LRRK2: variants seen among roughly 807,000 people sequenced by gnomAD.
LRRK2 encodes the protein leucine-rich repeat serine/threonine-protein kinase 2.
Under a neutral mutation model 302.6 loss-of-function variants are expected in LRRK2, and 203 were observed. The observed-to-expected ratio is 0.67, with a 90% CI of 0.60 to 0.75. The LOEUF is 0.75. Ranked by LOEUF, LRRK2 falls within the 30% of genes least tolerant of loss-of-function variation. The pLI, the probability that LRRK2 is intolerant of heterozygous loss-of-function variation, is 0.00. For missense variants in LRRK2, 2,830 were observed against 2,951.0 expected, an observed-to-expected ratio of 0.96 and a Z score of 0.95; for synonymous variants, 1,066 against 1,031.9, an observed-to-expected ratio of 1.03 and a Z score of -0.63.
chr12:40,282,623 G>A (rs1280845812), intron 18 of LRRK2, among the ~76,000 whole-genome samples: 1 of 152,174 alleles, frequency 6.6e-6, no homozygotes, highest in Non-Finnish European at 1.5e-5. Context: ...ATGTCCTGGA[G>A]CAGCAGCGTT....
At chr12:40,273,532 G>A (rs1943322758) in intron 14 of LRRK2, among the ~76,000 whole-genome samples, 1 of 152,158 alleles carries the variant, frequency 6.6e-6, no homozygotes, top group Non-Finnish European at 1.5e-5. Flanking sequence ...TCTGTTCACT[G>A]AGAGTACAGA....
chr12:40,315,422 A>C, intron 33 of LRRK2, 122 bp downstream of exon 33: 1 of 794,294 alleles, frequency 1.3e-6, no homozygotes, highest in South Asian at 1.4e-5. Flanking sequence ...GTGAATTTGG[A>C]AAACTGTGGA....
intron 23 of LRRK2, 41 bp downstream of exon 23, chr12:40,295,685 G>T: frequency 6.4e-7 from 1 of 1,566,694 alleles, no homozygotes; most frequent in South Asian, 1.1e-5. Flanking sequence ...GACATTTGAA[G>T]AGCTTTTGTA....
At chr12:40,229,646 G>A (rs1941073443) in intron 2 of LRRK2, among the ~76,000 whole-genome samples, 1 of 152,284 alleles carries the variant, frequency 6.6e-6, no homozygotes, top group Non-Finnish European at 1.5e-5. Flanking sequence ...TTACATGCTT[G>A]AGTTTTTAGA....
chr12:40,278,032 C>G lies in LRRK2; in HGVS notation c.2070+16C>G, dbSNP rs1943534262. 1.2e-6 allele frequency: 2 copies of G among 1,613,662 alleles called. No individual in the cohort carries two copies. Among genetic ancestry groups the G allele is most frequent in the Non-Finnish European group, 1.7e-6 (2 of 1,179,974 alleles). ...GGATCAACAGGTACAGTGTTTTTCA[C>G]TTGCATCCTAAATGTTATGTATTTA... On this transcript the variant is annotated intron_variant, in intron 17 of 50. Coordinates refer to ENST00000298910, the MANE Select transcript of LRRK2 (RefSeq NM_198578.4).
At chr12:40,320,806 C>T (rs554922212) in intron 34 of LRRK2, among the ~76,000 whole-genome samples, 61 of 152,004 alleles carry the variant, frequency 4.0e-4, no homozygotes, top group African/African-American at 1.3e-3. Flanking sequence ...TATTAGTGCA[C>T]AGGGATTACC....
intron 26 of LRRK2, 137 bp from the exon 27 acceptor site, chr12:40,303,811 C>T: frequency 1.2e-6 from 1 of 806,836 alleles, no homozygotes. Flanking sequence ...TCTCAAATCA[C>T]ATGCATACTC....
chr12:40,226,991 C>G (rs755935718), intron 2 of LRRK2, among the ~76,000 whole-genome samples: 6 of 152,080 alleles, frequency 3.9e-5, no homozygotes, highest in Non-Finnish European at 5.9e-5. Context: ...CTAGATAAGG[C>G]AGTGCTATAC....
chr12:40,328,518 C>A, intron 39 of LRRK2, 58 bp downstream of exon 39: 1 of 1,314,110 alleles, frequency 7.6e-7, no homozygotes, highest in Non-Finnish European at 1.1e-6. Context: ...TACTGGAACT[C>A]TTATTTTGCA....
At chr12:40,227,861 A>T (rs533791258) in intron 2 of LRRK2, 2 of 152,062 alleles carry the variant, frequency 1.3e-5, no homozygotes, top group South Asian at 2.1e-4. Context: ...ATGCTCAGCT[A>T]ATTTTTTTTT....
intron 18 of LRRK2, among the ~76,000 whole-genome samples, chr12:40,281,574 A>C (rs1198749322): frequency 6.6e-6 from 1 of 152,238 alleles, no homozygotes; most frequent in Non-Finnish European, 1.5e-5. Flanking sequence ...ATCTGTGAGC[A>C]GTAGTATTTT....
intron 41 of LRRK2, among the ~76,000 whole-genome samples, chr12:40,345,622 CAAAAAAAAAAAAAA>C (rs144415226): frequency 1.5e-5 from 1 of 67,528 alleles, no homozygotes; most frequent in Non-Finnish European, 2.6e-5. Context: ...GACTCCATCT[CAAAAAAAAAAAAAA>C]AAAAAAAAAG....
chr12:40,226,779 A>G (rs1011041358), intron 2 of LRRK2, among the ~76,000 whole-genome samples: 1 of 152,178 alleles, frequency 6.6e-6, no homozygotes, highest in Non-Finnish European at 1.5e-5. Flanking sequence ...CCTGTGGAAT[A>G]TGAGTCACTT....
At chr12:40,228,468 T>G (rs1941016731) in intron 2 of LRRK2, among the ~76,000 whole-genome samples, 1 of 150,700 alleles carries the variant, frequency 6.6e-6, no homozygotes, top group Non-Finnish European at 1.5e-5. Context: ...TAATTGAGTT[T>G]TTTTAGTTCC....
Position 40,298,481 on chromosome 12 carries a change from T to C in LRRK2, c.3335T>C (p.Leu1112Pro), listed in dbSNP as rs758901246. 6.2e-7 allele frequency: 1 copy of C among 1,613,768 alleles called. No individual in the cohort carries two copies. Among genetic ancestry groups the C allele is most frequent in the African/African-American group, 1.3e-5 (1 of 74,860 alleles). ...LTDVVEKLEQ[L>P]ILEGNKISGI... is the part of the protein sequence containing the mutation. ...GATGTGGTAGAGAAACTGGAGCAGC[T>C]CATTTTAGAAGGGTAAGAAAGAGCT... Residue 1112 changes from leucine to proline, a missense_variant, in exon 24 of 51, where the codon CTC (leucine) becomes CCC (proline). By Grantham distance (98) the Leu-to-Pro change is moderately conservative (BLOSUM62 -3). Coordinates refer to ENST00000298910, the MANE Select transcript of LRRK2 (RefSeq NM_198578.4).
chr12:40,327,676 AAG>A (rs1314620897), intron 38 of LRRK2, among the ~76,000 whole-genome samples: 1 of 152,170 alleles, frequency 6.6e-6, no homozygotes, highest in East Asian at 1.9e-4. Flanking sequence ...TTAATTTTGC[AAG>A]AGAGAGAGAA....
intron 48 of LRRK2, among the ~76,000 whole-genome samples, chr12:40,364,166 A>G (rs1015315046): frequency 2.6e-5 from 4 of 151,970 alleles, no homozygotes; most frequent in African/African-American, 9.7e-5. Flanking sequence ...ATATAGATCT[A>G]TGATACTCTT....
At chr12:40,363,656 A>T (rs1326810216) in intron 48 of LRRK2, 102 bp downstream of exon 48, 1 of 1,332,128 alleles carries the variant, frequency 7.5e-7, no homozygotes, top group African/African-American at 1.5e-5. Context: ...TGAATAGAGA[A>T]TTTTTTTAAA....
intron 16 of LRRK2, among the ~76,000 whole-genome samples, chr12:40,275,254 A>G (rs1290863100): frequency 6.6e-6 from 1 of 152,234 alleles, no homozygotes; most frequent in Non-Finnish European, 1.5e-5. Flanking sequence ...GTGCTAAGAA[A>G]TCCCAGCTAG....
Sources: allele counts gnomAD v4.1 joint callset (sites outside exome capture counted in the v4.1 genomes callset), GRCh38; gene constraint gnomAD v4.1.1; transcripts MANE v1.5; gene names NCBI Gene and HGNC (gene_info 2026-07-23, HGNC 2026-07-21).